VMA22: variants seen among roughly 807,000 people sequenced by gnomAD.
The protein encoded by VMA22 is vacuolar ATPase assembly protein VMA22.
the VMA22 span, chr2:130,341,587 C>G: frequency 8.0e-7 from 1 of 1,252,888 alleles, no homozygotes; most frequent in Non-Finnish European, 1.1e-6. Context: ...ATCGCAAAAA[C>G]CTAATTTAAA....
chr2:130,342,538 C>T, the VMA22 span: 2 of 456,988 alleles, frequency 4.4e-6, no homozygotes, highest in Admixed American at 7.6e-5. Context: ...AACCTTCAGT[C>T]GGTGTGCGGT....
chr2:130,338,991 AG>A, the VMA22 span: 1 of 665,038 alleles, frequency 1.5e-6, no homozygotes, highest in Non-Finnish European at 2.6e-6. Flanking sequence ...CATGCAGAGC[AG>A]GGACACAGAA....
the VMA22 span, chr2:130,341,998 C>G: frequency 1.2e-6 from 2 of 1,613,404 alleles, no homozygotes; most frequent in South Asian, 2.2e-5. Flanking sequence ...ACCCTCCTGC[C>G]CGCCCCAGGC....
chr2:130,338,790 G>A, the VMA22 span: 3,798 of 268,106 alleles, frequency 0.014, 152 homozygotes, highest in African/African-American at 0.079. Flanking sequence ...ATCTCTCTTC[G>A]CACAGTGTTC....
the VMA22 span, chr2:130,342,376 G>C: frequency 4.2e-4 from 272 of 653,650 alleles, 1 homozygote; most frequent in Non-Finnish European, 6.3e-4. Context: ...CTGTCGGCTA[G>C]GGTTATAGGT....
At chr2:130,341,034 G>A in the VMA22 span, 39 of 1,604,294 alleles carry the variant, frequency 2.4e-5, no homozygotes, top group African/African-American at 4.0e-5. Flanking sequence ...TTGCGCCTCC[G>A]CAGACCTGAG....
the VMA22 span, chr2:130,339,436 C>T: frequency 2.1e-6 from 3 of 1,416,722 alleles, no homozygotes. Flanking sequence ...TAAAATGTCA[C>T]CTCCTTAGAC....
At chr2:130,342,259 G>T in the VMA22 span, 1 of 1,528,056 alleles carries the variant, frequency 6.5e-7, no homozygotes. Flanking sequence ...CAGCACCAAG[G>T]CCTCTGGGTC....
chr2:130,342,619 C>T, the VMA22 span: 7 of 474,524 alleles, frequency 1.5e-5, no homozygotes, highest in Non-Finnish European at 2.3e-5. Context: ...AAACTGCATT[C>T]TGCACGGCGG....
chr2:130,342,073 A>G, the VMA22 span: 3 of 1,613,754 alleles, frequency 1.9e-6, no homozygotes, highest in South Asian at 1.1e-5. Context: ...CAGGTCCCCA[A>G]GCAGCTGCAG....
chr2:130,340,817 A>G, the VMA22 span: 3 of 1,509,940 alleles, frequency 2.0e-6, no homozygotes, highest in South Asian at 2.3e-5. Context: ...AGCCTTTCAC[A>G]GACTAACCCC....
chr2:130,339,035 G>A, the VMA22 span: 5 of 990,350 alleles, frequency 5.0e-6, no homozygotes, highest in Non-Finnish European at 4.7e-6. Context: ...AGGGGCAAGA[G>A]CTAATTGTGA....
the VMA22 span, chr2:130,341,801 G>GGGGCCCC: frequency 2.2e-6 from 3 of 1,378,128 alleles, no homozygotes; most frequent in Non-Finnish European, 2.0e-6. Flanking sequence ...CCTAGAACGC[G>GGGGCCCC]CCCGCCCGCC....
At chr2:130,341,592 T>C in the VMA22 span, 7 of 1,288,636 alleles carry the variant, frequency 5.4e-6, no homozygotes, top group African/African-American at 7.4e-5. Flanking sequence ...AAAAACCTAA[T>C]TTAAATCATC....
the VMA22 span, chr2:130,341,061 G>C: frequency 1.3e-6 from 2 of 1,580,740 alleles, no homozygotes; most frequent in South Asian, 2.3e-5. Context: ...AAGGTTGGAG[G>C]AGGCTGGGAT....
the VMA22 span, chr2:130,338,939 ACT>A: frequency 1.7e-6 from 1 of 590,126 alleles, no homozygotes; most frequent in East Asian, 2.8e-5. Context: ...TTTCAAAATT[ACT>A]GTTTGCCTCT....
chr2:130,340,759 A>G, the VMA22 span: 1 of 917,378 alleles, frequency 1.1e-6, no homozygotes, highest in Admixed American at 2.3e-5. Flanking sequence ...TGCTTTTGGA[A>G]AAAATAATGG....
chr2:130,339,180 A>G, the VMA22 span: 3 of 1,613,732 alleles, frequency 1.9e-6, no homozygotes, highest in Non-Finnish European at 2.5e-6. Context: ...GCTGGCTTCG[A>G]CCCCAGTCAA....
chr2:130,339,166 C>G, the VMA22 span: 1 of 1,614,114 alleles, frequency 6.2e-7, no homozygotes, highest in African/African-American at 1.3e-5. Flanking sequence ...TTGGAGTCCC[C>G]GGAGCTGGCT....
Sources: allele counts gnomAD v4.1 joint callset, GRCh38; gene constraint gnomAD v4.1.1; transcripts MANE v1.5; gene names NCBI Gene and HGNC (gene_info 2026-07-23, HGNC 2026-07-21).